GLIS3: variants seen among roughly 807,000 people sequenced by gnomAD.
The protein encoded by GLIS3 is GLIS family zinc finger 3, also known as zinc finger protein GLIS3.
A neutral mutation model predicts 78.6 loss-of-function variants in GLIS3; 53 were observed. The observed-to-expected ratio is 0.67, with a 90% CI of 0.54 to 0.85. The LOEUF (loss-of-function observed/expected upper bound fraction) is 0.85. Ranked by LOEUF, GLIS3 falls within the 40% of genes least tolerant of loss-of-function variation. The probability of loss-of-function intolerance (pLI) is 0.00; values close to 1 mark genes in which losing one functional copy is unlikely to be tolerated. For synonymous variants in GLIS3, 684 were observed against 509.9 expected (o/e 1.34, Z -4.60); for missense variants, 1,703 against 1,231.1 (o/e 1.38, Z -5.74).
intron 9 of GLIS3, among the ~76,000 whole-genome samples, chr9:3,831,023 C>G (rs1477467402): frequency 6.6e-6 from 1 of 152,104 alleles, no homozygotes; most frequent in African/African-American, 2.4e-5. Context: ...TACATACTGG[C>G]CCTCTAGGAG....
At chr9:3,871,861 G>A (rs927269849) in intron 8 of GLIS3, among the ~76,000 whole-genome samples, 1 of 152,212 alleles carries the variant, frequency 6.6e-6, no homozygotes, top group African/African-American at 2.4e-5. Context: ...TATGCAGCCA[G>A]CTTGAATTTC....
intron 2 of GLIS3, among the ~76,000 whole-genome samples, chr9:4,320,995 G>A (rs147003742): frequency 1.2e-3 from 178 of 152,082 alleles, no homozygotes; most frequent in Non-Finnish European, 1.8e-3. Context: ...TGAGAAGGCT[G>A]TAAGTCTCTG....
intron 2 of GLIS3, among the ~76,000 whole-genome samples, chr9:4,197,472 C>G (rs1375075612): frequency 6.6e-6 from 1 of 152,198 alleles, no homozygotes; most frequent in Non-Finnish European, 1.5e-5. Context: ...CCCCCACCCC[C>G]AACTCCATCA....
chr9:4,420,516 A>G, the GLIS3 span, among the ~76,000 whole-genome samples: 1 of 152,186 alleles, frequency 6.6e-6, no homozygotes, highest in Non-Finnish European at 1.5e-5. Context: ...AAGCAAGCCA[A>G]TAAACTCGGG....
intron 6 of GLIS3, among the ~76,000 whole-genome samples, chr9:3,902,039 G>A (rs190556101): frequency 1.7e-4 from 26 of 152,270 alleles, no homozygotes; most frequent in Admixed American, 1.3e-3. Flanking sequence ...CCGTACCAAC[G>A]AGGTCTTTGC....
chr9:4,408,941 T>G, the GLIS3 span, among the ~76,000 whole-genome samples: 2,212 of 151,794 alleles, frequency 0.015, 56 homozygotes, highest in African/African-American at 0.051. Flanking sequence ...TGCCAAAATA[T>G]CTCATATACC....
At chr9:4,451,637 C>T in the GLIS3 span, among the ~76,000 whole-genome samples, 5,606 of 151,984 alleles carry the variant, frequency 0.037, 380 homozygotes, top group African/African-American at 0.13. Context: ...AACAAAATCA[C>T]GACAAACTGT....
chr9:4,440,435 A>G, the GLIS3 span, among the ~76,000 whole-genome samples: 1 of 152,218 alleles, frequency 6.6e-6, no homozygotes, highest in East Asian at 1.9e-4. Flanking sequence ...TATGGAAAAG[A>G]CTGACCTTTC....
At chr9:4,008,119 T>C (rs1284803278) in intron 4 of GLIS3, among the ~76,000 whole-genome samples, 1 of 152,180 alleles carries the variant, frequency 6.6e-6, no homozygotes, top group Non-Finnish European at 1.5e-5. Context: ...ACCTGAAATA[T>C]TTGTTGACCA....
chr9:4,015,093 G>C (rs944522024), intron 4 of GLIS3, among the ~76,000 whole-genome samples: 14 of 152,184 alleles, frequency 9.2e-5, no homozygotes, highest in African/African-American at 2.7e-4. Context: ...TGTCCAATAA[G>C]AGCACATGTG....
intron 4 of GLIS3, among the ~76,000 whole-genome samples, chr9:4,038,345 T>C (rs1021539002): frequency 6.6e-6 from 1 of 152,198 alleles, no homozygotes. Context: ...AACCTCTAAT[T>C]ACATGAGTCA....
intron 1 of GLIS3, among the ~76,000 whole-genome samples, chr9:4,295,976 C>A (rs1375902279): frequency 6.6e-6 from 1 of 152,016 alleles, no homozygotes; most frequent in African/African-American, 2.4e-5. Context: ...TTTCCCCAGT[C>A]CTGATAGTCT....
rs115265745 is a variant in GLIS3, at chr9:3,951,289, A to G, written c.1711-14100T>C. Among the ~76,000 whole-genome samples the G allele has an allele frequency of 3.8e-3, 579 of 152,320 alleles. 4 individuals carry two copies. The highest frequency in any genetic ancestry group is 0.013 in the African/African-American group (559 of 41,566). The stretch of plus-strand genomic sequence containing the variant: ...TAATACTGAAAAGACGTGGTAGTAA[A>G]GCAACTTAAGAACATACTGTATTAG... On this transcript the variant is annotated intron_variant, in intron 4 of 10. Coordinates refer to ENST00000381971, the MANE Select transcript of GLIS3 (RefSeq NM_001042413.2).
the GLIS3 span, among the ~76,000 whole-genome samples, chr9:4,434,878 G>C: frequency 6.6e-6 from 1 of 152,190 alleles, no homozygotes; most frequent in Non-Finnish European, 1.5e-5. Flanking sequence ...GCTGAGCTGG[G>C]TGCTAGAGAG....
At chr9:4,091,217 A>G (rs1285497249) in intron 4 of GLIS3, among the ~76,000 whole-genome samples, 3 of 152,078 alleles carry the variant, frequency 2.0e-5, no homozygotes, top group Admixed American at 2.0e-4. Flanking sequence ...AATGTTAAAA[A>G]TTAGCCAGAC....
chr9:4,469,930 T>A, the GLIS3 span, among the ~76,000 whole-genome samples: 17 of 152,044 alleles, frequency 1.1e-4, no homozygotes, highest in African/African-American at 4.1e-4. Flanking sequence ...ATAGAGGCTA[T>A]AGAAAATGAT....
At chr9:4,171,997 G>C (rs759336803) in intron 2 of GLIS3, among the ~76,000 whole-genome samples, 2 of 151,994 alleles carry the variant, frequency 1.3e-5, no homozygotes, top group Admixed American at 1.3e-4. Context: ...TGGTAGTTTG[G>C]TTTTTTTAAT....
At chr9:4,039,767 G>A (rs2130353455) in intron 4 of GLIS3, among the ~76,000 whole-genome samples, 1 of 152,328 alleles carries the variant, frequency 6.6e-6, no homozygotes, top group African/African-American at 2.4e-5. Context: ...TCTGGGAGAT[G>A]TTGAGTGTTT....
intron 2 of GLIS3, among the ~76,000 whole-genome samples, chr9:4,172,062 A>G (rs1370465933): frequency 6.6e-6 from 1 of 152,170 alleles, no homozygotes; most frequent in Non-Finnish European, 1.5e-5. Flanking sequence ...TGCCTCTTTT[A>G]TACCAAGTTC....
Sources: allele counts gnomAD v4.1 joint callset (sites outside exome capture counted in the v4.1 genomes callset), GRCh38; gene constraint gnomAD v4.1.1; transcripts MANE v1.5; gene names NCBI Gene and HGNC (gene_info 2026-07-23, HGNC 2026-07-21).